Variants in RAB11FIP4 observed in about 807,000 individuals in gnomAD.
RAB11FIP4 encodes the protein rab11 family-interacting protein 4.
In RAB11FIP4, 23 loss-of-function variants were observed where a neutral mutation model predicts 74.3. The observed-to-expected ratio is 0.31, with a 90% confidence interval of 0.22 to 0.44. The LOEUF (loss-of-function observed/expected upper bound fraction) is 0.44, where lower values mean the gene tolerates loss of function less well. RAB11FIP4 is among the 20% of genes least tolerant of loss of function. The pLI, the probability that RAB11FIP4 is intolerant of heterozygous loss-of-function variation, is 1.00. For missense variants in RAB11FIP4, 630 were observed against 863.9 expected, an observed-to-expected ratio of 0.73 and a Z score of 3.39; for synonymous variants, 360 against 359.9, an observed-to-expected ratio of 1.00 and a Z score of 0.00.
chr17:31,533,569 C>G lies in RAB11FIP4; in HGVS notation c.*1837C>G, dbSNP rs567894880. On this transcript the variant is annotated 3_prime_UTR_variant, in exon 15 of 15. Coordinates refer to ENST00000621161, the MANE Select transcript of RAB11FIP4 (RefSeq NM_032932.6). ...AAGACAGATCCTGACATAGCTTTGGCCTGGGTGTTAGGTCAGAAGGAGTAC... is the reference window on the plus strand; with the variant it reads ...AAGACAGATCCTGACATAGCTTTGGGCTGGGTGTTAGGTCAGAAGGAGTAC... 6.6e-6 allele frequency: 1 copy of G among 152,394 alleles called. No individual in the cohort carries two copies. Among genetic ancestry groups the G allele is most frequent in the African/African-American group, 2.4e-5 (1 of 41,568 alleles). The allele number at this position is 152,394 out of a possible 1,614,324, so 9.4% of individuals were successfully genotyped here.
chr17:31,487,963 C>G (rs1283410310), intron 3 of RAB11FIP4: 4 of 821,000 alleles, frequency 4.9e-6, no homozygotes, highest in East Asian at 2.3e-4. Context: ...GTCCTCCGCC[C>G]CCGCCCCCGC....
chr17:31,427,733 T>C (rs1184518780), intron 1 of RAB11FIP4, among the ~76,000 whole-genome samples: 2 of 152,156 alleles, frequency 1.3e-5, no homozygotes, highest in African/African-American at 4.8e-5. Flanking sequence ...GTGCCCTGGC[T>C]CATCCCCACA....
At chr17:31,402,922 G>A (rs901447922) in intron 1 of RAB11FIP4, among the ~76,000 whole-genome samples, 2 of 152,114 alleles carry the variant, frequency 1.3e-5, no homozygotes, top group African/African-American at 2.4e-5. Flanking sequence ...ACCGCGCCTG[G>A]CCAGATTATT....
intron 1 of RAB11FIP4, among the ~76,000 whole-genome samples, chr17:31,411,184 A>C (rs2071090959): frequency 6.6e-6 from 1 of 152,138 alleles, no homozygotes. Flanking sequence ...TAACATGGTG[A>C]AACCCCGTCT....
chr17:31,531,178 G>A, intron 14 of RAB11FIP4: 1 of 167,110 alleles, frequency 6.0e-6, no homozygotes, highest in South Asian at 1.5e-4. Context: ...CAGCATGTCA[G>A]CAATGTCCGA....
At chr17:31,485,110 T>G (rs2071888403) in intron 3 of RAB11FIP4, among the ~76,000 whole-genome samples, 1 of 152,220 alleles carries the variant, frequency 6.6e-6, no homozygotes, top group Non-Finnish European at 1.5e-5. Flanking sequence ...CTTTATCATT[T>G]CATTGAAACT....
intron 7 of RAB11FIP4, chr17:31,523,203 A>G: frequency 4.8e-6 from 2 of 415,324 alleles, no homozygotes; most frequent in South Asian, 5.2e-5. Context: ...CTCACGTGCC[A>G]GCTGAGGTCA....
chr17:31,517,473 T>G (rs1267273813), intron 3 of RAB11FIP4, among the ~76,000 whole-genome samples, 178 bp from the exon 4 acceptor site: 1 of 152,068 alleles, frequency 6.6e-6, no homozygotes, highest in Non-Finnish European at 1.5e-5. Flanking sequence ...TCAGCCAGTA[T>G]GAGAGGTCCC....
chr17:31,514,002 G>C (rs1414372016), intron 3 of RAB11FIP4, among the ~76,000 whole-genome samples: 2 of 152,232 alleles, frequency 1.3e-5, no homozygotes, highest in Admixed American at 6.5e-5. Context: ...GTGAGGGATG[G>C]GGTGTGTGAG....
At chr17:31,411,964 GC>G (rs1643366298) in intron 1 of RAB11FIP4, among the ~76,000 whole-genome samples, 1 of 152,266 alleles carries the variant, frequency 6.6e-6, no homozygotes, top group Admixed American at 6.5e-5. Context: ...GAGGGCCGCA[GC>G]CAGGCTGGGT....
intron 3 of RAB11FIP4, among the ~76,000 whole-genome samples, chr17:31,494,260 T>C (rs4794892): frequency 0.41 from 61,512 of 150,074 alleles, 13,033 homozygotes; most frequent in East Asian, 0.55. Flanking sequence ...GTTATTTAAT[T>C]TCTCTGTGCC....
intron 12 of RAB11FIP4, 30 bp downstream of exon 12, chr17:31,528,573 T>C: frequency 3.7e-6 from 6 of 1,613,482 alleles, no homozygotes; most frequent in Non-Finnish European, 5.1e-6. Flanking sequence ...GCACCAGGGC[T>C]CCTTCCAGCA....
intron 3 of RAB11FIP4, among the ~76,000 whole-genome samples, chr17:31,475,410 G>A (rs2071781472): frequency 6.6e-6 from 1 of 152,174 alleles, no homozygotes; most frequent in South Asian, 2.1e-4. Flanking sequence ...GTCAAGACGT[G>A]GTAGGTTCAG....
intron 3 of RAB11FIP4, among the ~76,000 whole-genome samples, chr17:31,470,504 T>G (rs1049337186): frequency 6.6e-6 from 1 of 152,110 alleles, no homozygotes; most frequent in South Asian, 2.1e-4. Flanking sequence ...AGAACTACAG[T>G]AGGGAAGCAG....
chr17:31,513,998 G>C (rs1028708447), intron 3 of RAB11FIP4, among the ~76,000 whole-genome samples: 6 of 152,356 alleles, frequency 3.9e-5, no homozygotes, highest in Middle Eastern at 3.4e-3. Context: ...TGTTGTGAGG[G>C]ATGGGGTGTG....
In RAB11FIP4 at chr17:31,535,187, G is replaced by A. The variant is rs2072937411; in HGVS notation, c.*3455G>A. The A allele has an allele frequency of 6.6e-6, 1 of 151,822 alleles. No individual in the cohort carries two copies. The highest frequency in any genetic ancestry group is 1.5e-5 in the Non-Finnish European group (1 of 68,116). 9.4% of individuals were successfully genotyped at this position (151,822 alleles called of 1,614,324 possible). A position where few individuals can be genotyped will look rare whatever the true frequency, so the allele number is the denominator to read the frequency against. ...GTAATCCTAGCACTTGGGAGGCAGT[G>A]GCAGGCGGATCACTTGAGCTCAGGA... On this transcript the variant is annotated 3_prime_UTR_variant, in exon 15 of 15. Transcript: ENST00000621161.
intron 1 of RAB11FIP4, among the ~76,000 whole-genome samples, chr17:31,425,715 C>T (rs780712718): frequency 4.6e-5 from 7 of 152,210 alleles, no homozygotes; most frequent in Non-Finnish European, 5.9e-5. Context: ...CAAGCTGGGG[C>T]CCAGCTGTGT....
intron 3 of RAB11FIP4, among the ~76,000 whole-genome samples, chr17:31,476,106 T>A (rs1295560058): frequency 6.6e-6 from 1 of 151,622 alleles, no homozygotes; most frequent in Non-Finnish European, 1.5e-5. Context: ...GGTTCAGTAT[T>A]CACGATTCTG....
intron 2 of RAB11FIP4, among the ~76,000 whole-genome samples, chr17:31,433,562 C>T (rs2071329429): frequency 6.6e-6 from 1 of 152,222 alleles, no homozygotes; most frequent in Non-Finnish European, 1.5e-5. Flanking sequence ...GGAGCGAGGC[C>T]AGCCGTGTAC....
Sources: gnomAD v4.1 joint callset for allele counts (sites outside exome capture counted in the v4.1 genomes callset) on GRCh38, gnomAD v4.1.1 for gene constraint, MANE v1.5 for transcripts, NCBI Gene and HGNC (gene_info 2026-07-23, HGNC 2026-07-21) for gene names.